Variants in TM6SF1 observed in about 807,000 individuals in gnomAD.
The protein encoded by TM6SF1 is transmembrane 6 superfamily member 1.
Under a neutral mutation model 47.1 loss-of-function variants are expected in TM6SF1, and 43 were observed. The ratio of observed to expected loss-of-function variants is 0.91; its 90% confidence interval spans 0.72 to 1.18. The LOEUF (loss-of-function observed/expected upper bound fraction) is 1.18, where lower values mean the gene tolerates loss of function less well. TM6SF1 is among the 50% of genes most tolerant of loss of function. TM6SF1 has a pLI of 0.00. For missense variants in TM6SF1, 390 were observed against 449.0 expected, an observed-to-expected ratio of 0.87 and a Z score of 1.19; for synonymous variants, 177 against 166.3, an observed-to-expected ratio of 1.06 and a Z score of -0.49.
intron 9 of TM6SF1, chr15:83,133,551 AATT>A (rs1425414333): frequency 6.6e-6 from 1 of 152,210 alleles, no homozygotes; most frequent in Non-Finnish European, 1.5e-5. Flanking sequence ...GTGGAAGAAA[AATT>A]ATTAGGGACT....
chr15:83,124,946 C>T (rs1240395659), intron 7 of TM6SF1, among the ~76,000 whole-genome samples, 170 bp downstream of exon 7: 1 of 152,230 alleles, frequency 6.6e-6, no homozygotes, highest in Non-Finnish European at 1.5e-5. Context: ...CTGCTCCCAA[C>T]CCCAGCCTCC....
At chr15:83,133,271 C>A (rs570227342) in intron 9 of TM6SF1, 2 of 152,284 alleles carry the variant, frequency 1.3e-5, no homozygotes, top group South Asian at 4.1e-4. Flanking sequence ...AGCAAAAGAC[C>A]CTGGCTATCA....
chr15:83,127,489 A>G lies in TM6SF1; in HGVS notation c.921+12A>G. 1 of 1,612,482 alleles carries G rather than the reference A, an allele frequency of 6.2e-7. No homozygotes were observed. Among genetic ancestry groups the G allele is most frequent in the Non-Finnish European group, 8.5e-7 (1 of 1,179,328 alleles). On this transcript the variant is annotated intron_variant, in intron 9 of 9. Transcript: ENST00000322019. The stretch of plus-strand genomic sequence containing the variant: ...GAGGTCTGGCTCAGGTACTAAGAAT[A>G]TTCTGTTGAGAAGGTTTACTTGTGG...
chr15:83,113,142 C>T, intron 2 of TM6SF1: 1 of 560,150 alleles, frequency 1.8e-6, no homozygotes, highest in Admixed American at 3.1e-5. Flanking sequence ...GCAGGGCACC[C>T]TGCCAACCCC....
Position 83,136,697 on chromosome 15 carries a change from TCTAAATTA to T in TM6SF1, c.*30_*37del, listed in dbSNP as rs779492780. On this transcript the variant is annotated 3_prime_UTR_variant, in exon 10 of 10. Coordinates refer to ENST00000322019, the MANE Select transcript of TM6SF1 (RefSeq NM_023003.5). Reference sequence around the variant, plus strand: ...AAAATATTACTTCATGTTCCTCCTTTCTAAATTACTAACTTTTGTTATACTGGTACTGA... The same window carrying T: ...AAAATATTACTTCATGTTCCTCCTTTCTAACTTTTGTTATACTGGTACTGA... The T allele has an allele frequency of 6.4e-7, 1 of 1,566,676 alleles. No homozygotes were observed. Among genetic ancestry groups the T allele is most frequent in the Admixed American group, 1.9e-5 (1 of 51,700 alleles).
At chr15:83,118,077 C>T (rs576446004) in intron 3 of TM6SF1, among the ~76,000 whole-genome samples, 1 of 152,178 alleles carries the variant, frequency 6.6e-6, no homozygotes, top group Non-Finnish European at 1.5e-5. Flanking sequence ...TATAGAGAGG[C>T]CATGGCTGGC....
chr15:83,136,748 C>G lies in TM6SF1; in HGVS notation c.*76C>G. The G allele has an allele frequency of 7.9e-7, 1 of 1,264,492 alleles. No individual in the cohort carries two copies. Among genetic ancestry groups the G allele is most frequent in the Non-Finnish European group, 1.1e-6 (1 of 902,868 alleles). The allele number at this position is 1,264,492 out of a possible 1,614,324, so 78.3% of individuals were successfully genotyped here. On this transcript the variant is annotated 3_prime_UTR_variant, in exon 10 of 10. Transcript: ENST00000322019. ...GGTACTGATATTTTGTCCCATTTCA[C>G]TCTCTTCTCATACGTGAGTACTTAA...
intron 2 of TM6SF1, chr15:83,113,280 C>T (rs1009454660): frequency 1.8e-5 from 5 of 275,210 alleles, no homozygotes; most frequent in Non-Finnish European, 3.5e-5. Flanking sequence ...GTGTCTGGGT[C>T]TGCACATATG....
chr15:83,118,262 C>T (rs2034882277), intron 3 of TM6SF1, among the ~76,000 whole-genome samples: 1 of 144,734 alleles, frequency 6.9e-6, no homozygotes, highest in Non-Finnish European at 1.5e-5. Context: ...CACACACACA[C>T]ACATACAGAG....
intron 6 of TM6SF1, among the ~76,000 whole-genome samples, 174 bp downstream of exon 6, chr15:83,123,052 A>T (rs1235919896): frequency 6.6e-6 from 1 of 152,240 alleles, no homozygotes; most frequent in Non-Finnish European, 1.5e-5. Flanking sequence ...GTAGGCAAGA[A>T]GGTCTGTTTC....
chr15:83,111,899 G>A (rs1407274227), intron 1 of TM6SF1, among the ~76,000 whole-genome samples: 2 of 152,136 alleles, frequency 1.3e-5, no homozygotes, highest in African/African-American at 4.8e-5. Context: ...TACCACATAG[G>A]GGTGCAGAAT....
At chr15:83,118,356 C>G (rs1240247939) in intron 3 of TM6SF1, among the ~76,000 whole-genome samples, 1 of 152,088 alleles carries the variant, frequency 6.6e-6, no homozygotes, top group Non-Finnish European at 1.5e-5. Context: ...TTGAAAGGAC[C>G]TGTGGCCTGT....
rs1241592506 is a variant in TM6SF1, at chr15:83,137,392, C to T, written c.*720C>T. ...AAATCTTATTAAATTTGAAACATTT[C>T]ATATATACACATAAAACGCTTTTAA... On this transcript the variant is annotated 3_prime_UTR_variant, in exon 10 of 10. Transcript: ENST00000322019. 2.0e-5 allele frequency: 3 copies of T among 151,958 alleles called. No homozygotes were observed. The highest frequency in any genetic ancestry group is 2.9e-5 in the Non-Finnish European group (2 of 67,928). The allele number at this position is 151,958 out of a possible 1,614,324, so 9.4% of individuals were successfully genotyped here. A position where few individuals can be genotyped will look rare whatever the true frequency, so the allele number is the denominator to read the frequency against.
At chr15:83,108,832 C>G (rs2033899935) in intron 1 of TM6SF1, among the ~76,000 whole-genome samples, 1 of 152,226 alleles carries the variant, frequency 6.6e-6, no homozygotes, top group African/African-American at 2.4e-5. Context: ...CTGATACAGG[C>G]AGCACCCACA....
At chr15:83,110,355 C>T (rs948939714) in intron 1 of TM6SF1, among the ~76,000 whole-genome samples, 1 of 152,134 alleles carries the variant, frequency 6.6e-6, no homozygotes, top group Admixed American at 6.6e-5. Flanking sequence ...TGAGTCCCTG[C>T]AGGACCTGTT....
intron 9 of TM6SF1, chr15:83,132,496 CAA>C (rs2036320060): frequency 6.6e-6 from 1 of 152,112 alleles, no homozygotes; most frequent in Non-Finnish European, 1.5e-5. Flanking sequence ...CTTTTTCTCA[CAA>C]AGAGATATGG....
chr15:83,118,987 C>A (rs932446186), intron 3 of TM6SF1, among the ~76,000 whole-genome samples: 6 of 152,140 alleles, frequency 3.9e-5, no homozygotes, highest in African/African-American at 1.4e-4. Flanking sequence ...AATCTCAGAG[C>A]ATCTGTTTCC....
rs750279230 is a variant in TM6SF1 at position 83,122,018 on chromosome 15, C to T, written c.481+15C>T. 1.3e-5 allele frequency: 20 copies of T among 1,586,494 alleles called. No individual in the cohort carries two copies. In the South Asian group the frequency reaches 2.3e-4, roughly 18 times the overall value. On this transcript the variant is annotated intron_variant, in intron 5 of 9. Coordinates refer to ENST00000322019, the MANE Select transcript of TM6SF1 (RefSeq NM_023003.5). ...AAACATTGTAGGTAAGAAACTTTAT[C>T]TTAAAGTTCACTTTCCTTTTCTAAA...
chr15:83,112,491 G>A (rs1343417261), intron 1 of TM6SF1, among the ~76,000 whole-genome samples: 1 of 152,118 alleles, frequency 6.6e-6, no homozygotes, highest in Non-Finnish European at 1.5e-5. Flanking sequence ...AGTGGCCATA[G>A]GTGCAGCAGG....
Sources: allele counts gnomAD v4.1 joint callset (sites outside exome capture counted in the v4.1 genomes callset), GRCh38; gene constraint gnomAD v4.1.1; transcripts MANE v1.5; gene names NCBI Gene and HGNC (gene_info 2026-07-23, HGNC 2026-07-21).